The following ELAPOR2 variants were observed in gnomAD, a reference collection of about 807,000 sequenced individuals.
ELAPOR2 encodes the protein endosome/lysosome-associated apoptosis and autophagy regulator family member 2.
ELAPOR2 carries 89 observed loss-of-function variants against 120.7 expected under a neutral mutation model. That is an observed-to-expected ratio of 0.74 (90% CI 0.62 to 0.88). The LOEUF is 0.88. Ranked by LOEUF, ELAPOR2 falls within the 40% of genes least tolerant of loss-of-function variation. ELAPOR2 has a pLI of 0.00. For missense variants in ELAPOR2, 1,134 were observed against 1,251.6 expected (o/e 0.91, Z 1.42); for synonymous variants, 444 against 444.9 (o/e 1.00, Z 0.03).
At chr7:87,030,929 G>T (rs1178926939) in intron 1 of ELAPOR2, among the ~76,000 whole-genome samples, 1 of 152,142 alleles carries the variant, frequency 6.6e-6, no homozygotes, top group African/African-American at 2.4e-5. Flanking sequence ...CAATCATGGT[G>T]GAAGATGAAA....
At chr7:87,025,063 A>T (rs1414889100) in intron 1 of ELAPOR2, among the ~76,000 whole-genome samples, 1 of 151,750 alleles carries the variant, frequency 6.6e-6, no homozygotes, top group African/African-American at 2.4e-5. Context: ...AGGTCACCTG[A>T]TAAACCAAGT....
chr7:86,898,000 C>T (rs1051579764), intron 18 of ELAPOR2, among the ~76,000 whole-genome samples: 17 of 151,966 alleles, frequency 1.1e-4, no homozygotes, highest in African/African-American at 4.1e-4. Context: ...GGTATAAACC[C>T]AAGAGAAATG....
At chr7:87,032,804 AG>A (rs1794463091) in intron 1 of ELAPOR2, among the ~76,000 whole-genome samples, 1 of 152,212 alleles carries the variant, frequency 6.6e-6, no homozygotes, top group Non-Finnish European at 1.5e-5. Context: ...AAACTGGACT[AG>A]GAACTCTGCA....
intron 3 of ELAPOR2, 85 bp from the exon 4 acceptor site, chr7:86,945,131 G>T: frequency 1.6e-6 from 2 of 1,276,172 alleles, no homozygotes; most frequent in Non-Finnish European, 2.2e-6. Flanking sequence ...AGATTCACGA[G>T]TAGTTCCATC....
intron 1 of ELAPOR2, among the ~76,000 whole-genome samples, chr7:87,024,871 A>G (rs947299286): frequency 6.6e-6 from 1 of 152,096 alleles, no homozygotes; most frequent in Admixed American, 6.6e-5. Context: ...TGAATCTCTG[A>G]ATAGACCAAT....
intron 2 of ELAPOR2, among the ~76,000 whole-genome samples, chr7:86,955,561 A>G (rs1791437288): frequency 6.6e-6 from 1 of 152,150 alleles, no homozygotes; most frequent in African/African-American, 2.4e-5. Flanking sequence ...TTCCTATCAG[A>G]AGAGAATATT....
intron 10 of ELAPOR2, 106 bp downstream of exon 10, chr7:86,925,422 T>C (rs1023026719): frequency 1.0e-5 from 12 of 1,148,168 alleles, no homozygotes; most frequent in African/African-American, 7.7e-5. Context: ...AATGATAAGA[T>C]TGAAGTTCCT....
chr7:86,948,619 AC>A (rs1324962801), intron 2 of ELAPOR2, among the ~76,000 whole-genome samples: 2 of 152,044 alleles, frequency 1.3e-5, no homozygotes, highest in East Asian at 1.9e-4. Context: ...ATTCACACCA[AC>A]CTAGTCATCT....
At position 86,998,406 on chromosome 7, in the gene ELAPOR2, C is replaced by T. The variant is rs117045103; in HGVS notation, c.190-33382G>A. Among the ~76,000 whole-genome samples, 30 of 152,264 alleles carry T rather than the reference C, an allele frequency of 2.0e-4. No homozygotes were observed. In the East Asian group the frequency reaches 5.8e-3, roughly 29 times the overall value. On this transcript the variant is annotated intron_variant, in intron 1 of 21. Coordinates refer to ENST00000450689, the MANE Select transcript of ELAPOR2 (RefSeq NM_001142749.3). ...TTTTTATGAAGAAAGACATGAGGTT[C>T]ACCGATGTCAAGCGATTTAGCTTAA...
At chr7:86,908,361 A>G in intron 17 of ELAPOR2, 86 bp downstream of exon 17, 1 of 705,296 alleles carries the variant, frequency 1.4e-6, no homozygotes, top group South Asian at 1.8e-5. Context: ...CATACCCATA[A>G]TTATAAATAT....
intron 1 of ELAPOR2, among the ~76,000 whole-genome samples, chr7:87,004,649 T>C (rs968675429): frequency 6.6e-5 from 10 of 152,128 alleles, no homozygotes; most frequent in African/African-American, 2.4e-4. Context: ...CAACACTTTT[T>C]TTCCTAACAC....
intron 19 of ELAPOR2, among the ~76,000 whole-genome samples, chr7:86,897,043 G>A (rs1343877923): frequency 3.3e-5 from 5 of 151,648 alleles, no homozygotes; most frequent in African/African-American, 4.8e-5. Context: ...TAATGAGAAG[G>A]GAAAGTTTTC....
At chr7:86,896,966 A>G (rs1191946953) in intron 19 of ELAPOR2, among the ~76,000 whole-genome samples, 1 of 152,114 alleles carries the variant, frequency 6.6e-6, no homozygotes, top group African/African-American at 2.4e-5. Flanking sequence ...TAACAAAGGA[A>G]TTATTTAATA....
chr7:86,999,181 C>T (rs1224374469), intron 1 of ELAPOR2, among the ~76,000 whole-genome samples: 6 of 152,026 alleles, frequency 3.9e-5, no homozygotes, highest in Admixed American at 1.3e-4. Flanking sequence ...GATAAATCCC[C>T]GTGCTTTCCT....
intron 2 of ELAPOR2, among the ~76,000 whole-genome samples, chr7:86,958,906 A>G (rs1014850600): frequency 6.6e-6 from 1 of 152,246 alleles, no homozygotes; most frequent in Non-Finnish European, 1.5e-5. Flanking sequence ...TTAAATCTGT[A>G]GATGACTTTG....
intron 2 of ELAPOR2, among the ~76,000 whole-genome samples, chr7:86,954,287 T>G (rs1033433379): frequency 3.3e-5 from 5 of 152,190 alleles, no homozygotes; most frequent in African/African-American, 1.2e-4. Context: ...TTGAATCATT[T>G]ATATGCTGAT....
chr7:86,911,331 C>A (rs1024675599), intron 15 of ELAPOR2, among the ~76,000 whole-genome samples: 62 of 152,190 alleles, frequency 4.1e-4, no homozygotes, highest in African/African-American at 1.5e-3. Flanking sequence ...TTGAAAACTT[C>A]TGTGGTCATC....
intron 18 of ELAPOR2, among the ~76,000 whole-genome samples, chr7:86,898,613 C>T: frequency 7.3e-6 from 1 of 136,212 alleles, no homozygotes; most frequent in African/African-American, 2.8e-5. Context: ...AGAAATGATA[C>T]CTAAGCTGAG....
At chr7:86,965,845 T>C in intron 1 of ELAPOR2, 1 of 985,428 alleles carries the variant, frequency 1.0e-6, no homozygotes, top group Non-Finnish European at 1.2e-6. Flanking sequence ...TTGTGGTTAT[T>C]CTGCTGCATC....
Sources: gnomAD v4.1 joint callset for allele counts (sites outside exome capture counted in the v4.1 genomes callset) on GRCh38, gnomAD v4.1.1 for gene constraint, MANE v1.5 for transcripts, NCBI Gene and HGNC (gene_info 2026-07-23, HGNC 2026-07-21) for gene names.